Variants in SUCNR1 observed in about 807,000 individuals in gnomAD.
SUCNR1 encodes the protein G-protein coupled receptor 91.
A neutral mutation model predicts 2.4 loss-of-function variants in SUCNR1; 5 were observed. That is an observed-to-expected ratio of 2.07 (90% CI 1.08 to 4.36). The LOEUF (loss-of-function observed/expected upper bound fraction) is 4.36, where lower values mean the gene tolerates loss of function less well. Among genes scored for constraint, SUCNR1 ranks in the 30% most tolerant of loss-of-function variants. SUCNR1 has a pLI of 0.00. For missense variants in SUCNR1, 373 were observed against 399.2 expected (o/e 0.93, Z 0.56); for synonymous variants, 162 against 143.9 (o/e 1.13, Z -0.90).
Position 151,881,356 on chromosome 3 carries a change from C to T in SUCNR1, c.813C>T (p.Val271=), listed in dbSNP as rs140738447. 13 of 1,614,116 alleles carry T rather than the reference C, an allele frequency of 8.1e-6. No individual in the cohort carries two copies. The Admixed American group carries it at 1.3e-4, about 17-fold the overall frequency. The change falls in exon 3 of 3, where the codon GTC becomes GTT. Residue 271 remains valine, a synonymous_variant. Coordinates refer to ENST00000362032, the MANE Select transcript of SUCNR1 (RefSeq NM_033050.6). ...GGAAGCAGTATCAGTGCACTCAGGT[C>T]GTCATCAACTCCTTTTACATTGTGA... ...GSWKQYQCTQ[V]VINSFYIVTR... is the part of the protein sequence containing the mutation.
At chr3:151,879,793 C>A in intron 1 of SUCNR1, 59 bp from the exon 2 acceptor site, 2 of 725,762 alleles carry the variant, frequency 2.8e-6, no homozygotes, top group Non-Finnish European at 4.3e-6. Context: ...AATATGGAAA[C>A]AAGTAAAAGC....
chr3:151,876,671 C>A (rs980921976), intron 1 of SUCNR1, among the ~76,000 whole-genome samples: 1 of 152,000 alleles, frequency 6.6e-6, no homozygotes, highest in Non-Finnish European at 1.5e-5. Flanking sequence ...TTGCCTTATA[C>A]AAATGTGTTT....
In SUCNR1 at chr3:151,881,674, A is replaced by G; in HGVS notation, c.*126A>G. 3 of 865,598 alleles carry G rather than the reference A, an allele frequency of 3.5e-6. No individual in the cohort carries two copies. Among genetic ancestry groups the G allele is most frequent in the Non-Finnish European group, 5.2e-6 (3 of 571,714 alleles). 53.6% of individuals were successfully genotyped at this position (865,598 alleles called of 1,614,324 possible). A position where few individuals can be genotyped will look rare whatever the true frequency, so the allele number is the denominator to read the frequency against. On this transcript the variant is annotated 3_prime_UTR_variant, in exon 3 of 3. Coordinates refer to ENST00000362032, the MANE Select transcript of SUCNR1 (RefSeq NM_033050.6). ...TGATCTAAAGACAAGTTGTACCCAG[A>G]GTATGTGAAAAGAATGGGACGACAA...
chr3:151,875,459 T>C (rs1168242838), intron 1 of SUCNR1, among the ~76,000 whole-genome samples: 1 of 152,124 alleles, frequency 6.6e-6, no homozygotes, highest in African/African-American at 2.4e-5. Flanking sequence ...TCTGCAAATA[T>C]TGCACAGCTC....
rs192422930 is a variant in SUCNR1, at chr3:151,881,954, A to T, written c.*406A>T. 84 of 156,932 alleles carry T rather than the reference A, an allele frequency of 5.4e-4. 1 individual carries two copies. In the East Asian group the frequency reaches 8.3e-3, roughly 16 times the overall value. 9.7% of individuals were successfully genotyped at this position (156,932 alleles called of 1,614,324 possible). A position where few individuals can be genotyped will look rare whatever the true frequency, so the allele number is the denominator to read the frequency against. On this transcript the variant is annotated 3_prime_UTR_variant, in exon 3 of 3. Coordinates refer to ENST00000362032, the MANE Select transcript of SUCNR1 (RefSeq NM_033050.6). ...TTATGTGAGAACTGAATAGCAGAAG[A>T]TATATTATTAAATAGTTTTTGGAAG...
chr3:151,880,444 A>G (rs1226226432), intron 2 of SUCNR1, 115 bp from the exon 3 acceptor site: 1 of 760,120 alleles, frequency 1.3e-6, no homozygotes, highest in African/African-American at 1.8e-5. Flanking sequence ...TACTGATGTA[A>G]CCTACTTTCT....
At position 151,880,613 on chromosome 3, in the gene SUCNR1, T is replaced by A; in HGVS notation, c.70T>A (p.Tyr24Asn). Reference sequence around the variant, plus strand: ...GGCAGCAGAGGCTGCCCTGGAAAAGTACTACCTTTCCATTTTTTATGGGAT... The same window carrying A: ...GGCAGCAGAGGCTGCCCTGGAAAAGAACTACCTTTCCATTTTTTATGGGAT... ...WLAAEAALEK[Y>N]YLSIFYGIEF... The change falls in exon 3 of 3, where the codon TAC becomes AAC. Residue 24 changes from tyrosine to asparagine, a missense_variant. Tyr to Asn is a moderately radical substitution (Grantham distance 143). Around this residue, in one of 3 missense-constraint regions of SUCNR1, gnomAD observed 184 missense variants for 162.2 expected, o/e 1.13. Coordinates refer to ENST00000362032, the MANE Select transcript of SUCNR1 (RefSeq NM_033050.6). The A allele has an allele frequency of 6.2e-7, 1 of 1,613,876 alleles. No individual in the cohort carries two copies. Among genetic ancestry groups the A allele is most frequent in the Non-Finnish European group, 8.5e-7 (1 of 1,179,852 alleles).
In SUCNR1 at chr3:151,883,504, A is replaced by ATATATATG. The variant is rs1718165738; in HGVS notation, c.*1957_*1958insATATATGT. On this transcript the variant is annotated 3_prime_UTR_variant, in exon 3 of 3. Transcript: ENST00000362032. The stretch of plus-strand genomic sequence containing the variant: ...TATATATATATATATATATATATAT[A>ATATATATG]TGTACCTTGTAAACAAGAGGTTAAG... The ATATATATG allele has an allele frequency of 9.0e-6, 1 of 111,292 alleles. No individual in the cohort carries two copies. The highest frequency in any genetic ancestry group is 2.2e-4 in the East Asian group (1 of 4,470). The allele number at this position is 111,292 out of a possible 1,614,324, so 6.9% of individuals were successfully genotyped here.
chr3:151,875,584 G>A (rs1244124740), intron 1 of SUCNR1, among the ~76,000 whole-genome samples: 1 of 151,888 alleles, frequency 6.6e-6, no homozygotes, highest in Non-Finnish European at 1.5e-5. Context: ...AAAAATTCAG[G>A]TAAATATTAA....
Position 151,881,405 on chromosome 3 carries a change from A to AGT in SUCNR1, c.865_866dup (p.Ile290SerfsTer18). On this transcript the variant is annotated frameshift_variant, in exon 3 of 3. Transcript: ENST00000362032. LOFTEE classifies it low-confidence loss of function (END_TRUNC). ...GACACGGCCTTTGGCCTTTCTGAAC[A>AGT]GTGTCATCAACCCTGTCTTCTATTT... 2 of 1,614,204 alleles carry AGT rather than the reference A, an allele frequency of 1.2e-6. No individual in the cohort carries two copies. The highest frequency in any genetic ancestry group is 1.7e-6 in the Non-Finnish European group (2 of 1,180,028).
chr3:151,875,637 G>A (rs1285720762), intron 1 of SUCNR1, among the ~76,000 whole-genome samples: 1 of 151,972 alleles, frequency 6.6e-6, no homozygotes, highest in Non-Finnish European at 1.5e-5. Context: ...TCTGTTTACA[G>A]ACCATTTTTA....
At position 151,881,017 on chromosome 3, in the gene SUCNR1, TC is replaced by T; in HGVS notation, c.478del (p.Ile161Ter). On this transcript the variant is annotated frameshift_variant, in exon 3 of 3. Coordinates refer to ENST00000362032, the MANE Select transcript of SUCNR1 (RefSeq NM_033050.6). LOFTEE classifies it low-confidence loss of function (END_TRUNC). ...LVTLELLPILPLINPVITDNG... is the reference protein window; with the variant it reads ...LVTLELLPILXLINPVITDNG... Reference sequence around the variant, plus strand: ...TAACCTTAGAGTTACTACCCATACTTCCCCTTATAAATCCTGTTATAACTGA... The same window carrying T: ...TAACCTTAGAGTTACTACCCATACTTCCCTTATAAATCCTGTTATAACTGA... The T allele has an allele frequency of 6.2e-7, 1 of 1,614,138 alleles. No homozygotes were observed. The highest frequency in any genetic ancestry group is 1.7e-5 in the Admixed American group (1 of 60,010).
Position 151,881,338 on chromosome 3 carries a change from G to C in SUCNR1, c.795G>C (p.Gln265His). Residue 265 changes from glutamine (Q) to histidine (H), a missense_variant, in exon 3 of 3, where the codon CAG becomes CAC. This residue lies in a region of SUCNR1 where 157 missense variants were observed against 178.7 expected (regional missense o/e 0.88). Transcript: ENST00000362032. ...RIASRLGSWK[Q>H]YQCTQVVINS... The stretch of plus-strand genomic sequence containing the variant: ...CTTCACGCCTGGGGAGTTGGAAGCA[G>C]TATCAGTGCACTCAGGTCGTCATCA... 4.3e-6 allele frequency: 7 copies of C among 1,614,188 alleles called. No individual in the cohort carries two copies. The highest frequency in any genetic ancestry group is 5.9e-6 in the Non-Finnish European group (7 of 1,179,998).
At position 151,873,696 on chromosome 3, in the gene SUCNR1, C is replaced by T. The variant is rs923491660; in HGVS notation, c.-52C>T. On this transcript the variant is annotated 5_prime_UTR_variant, in exon 1 of 3. Transcript: ENST00000362032. ...AGTTCCTGTCAAGGGATCAAGTCTT[C>T]CAACAGAATGGTAAGCTACATGGCA... is the stretch of plus-strand genomic sequence containing the variant. 6.6e-6 allele frequency: 1 copy of T among 152,484 alleles called. No homozygotes were observed. The highest frequency in any genetic ancestry group is 2.4e-5 in the African/African-American group (1 of 41,398). 9.4% of individuals were successfully genotyped at this position (152,484 alleles called of 1,614,324 possible). A position where few individuals can be genotyped will look rare whatever the true frequency, so the allele number is the denominator to read the frequency against.
chr3:151,874,815 G>A (rs867913044), intron 1 of SUCNR1, among the ~76,000 whole-genome samples: 37 of 151,834 alleles, frequency 2.4e-4, no homozygotes, highest in African/African-American at 8.2e-4. Flanking sequence ...AAATTATTTA[G>A]TAATCAAAAA....
chr3:151,881,104 C>T lies in SUCNR1; in HGVS notation c.561C>T (p.Tyr187=). The T allele has an allele frequency of 6.2e-7, 1 of 1,614,108 alleles. No homozygotes were observed. Among genetic ancestry groups the T allele is most frequent in the South Asian group, 1.1e-5 (1 of 91,082 alleles). Residue 187 remains tyrosine, a synonymous_variant, in exon 3 of 3, where the codon TAC becomes TAT. Coordinates refer to ENST00000362032, the MANE Select transcript of SUCNR1 (RefSeq NM_033050.6). ...GAGACCCCAACTACAACCTCATTTA[C>T]AGCATGTGTCTAACACTGTTGGGGT... The part of the protein sequence containing the change: ...SSGDPNYNLI[Y]SMCLTLLGFL...
At chr3:151,877,223 T>A (rs1717950003) in intron 1 of SUCNR1, among the ~76,000 whole-genome samples, 1 of 152,116 alleles carries the variant, frequency 6.6e-6, no homozygotes, top group Non-Finnish European at 1.5e-5. Flanking sequence ...AGGAGAGTAA[T>A]GCCAAGCAAA....
chr3:151,880,705 C>T lies in SUCNR1; in HGVS notation c.162C>T (p.Asn54=), dbSNP rs147844411. Residue 54 remains asparagine, a synonymous_variant, in exon 3 of 3, where the codon AAC becomes AAT. Transcript: ENST00000362032. ...ACGGCTACATCTTCTCTCTGAAGAA[C>T]TGGAACAGCAGTAATATTTATCTCT... ...VVYGYIFSLK[N]WNSSNIYLFN... is the part of the protein sequence containing the mutation. 495 of 1,614,056 alleles carry T rather than the reference C, an allele frequency of 3.1e-4. 6 individuals carry two copies. Among genetic ancestry groups the T allele is most frequent in the South Asian group, 2.9e-3 (260 of 91,078 alleles).
intron 1 of SUCNR1, among the ~76,000 whole-genome samples, chr3:151,874,904 A>G (rs1717876801): frequency 6.6e-6 from 1 of 152,058 alleles, no homozygotes. Flanking sequence ...CATTTTACAA[A>G]TGTTATTTGT....
Sources: allele counts gnomAD v4.1 joint callset (sites outside exome capture counted in the v4.1 genomes callset), GRCh38; gene constraint gnomAD v4.1.1; regional missense constraint gnomAD v4.1.1; transcripts MANE v1.5; gene names NCBI Gene and HGNC (gene_info 2026-07-23, HGNC 2026-07-21).